The following SPAG9 variants were observed in gnomAD, a reference collection of about 807,000 sequenced individuals.
The protein encoded by SPAG9 is sperm associated antigen 9, also known as C-Jun-amino-terminal kinase-interacting protein 4.
SPAG9 carries 35 observed loss-of-function variants against 166.5 expected under a neutral mutation model. The observed-to-expected ratio is 0.21, with a 90% CI of 0.16 to 0.28. The LOEUF (loss-of-function observed/expected upper bound fraction) is 0.28, where lower values mean the gene tolerates loss of function less well. SPAG9 is among the 10% of genes least tolerant of loss of function. The pLI, the probability that SPAG9 is intolerant of heterozygous loss-of-function variation, is 1.00. For synonymous variants in SPAG9, 534 were observed against 565.5 expected, an observed-to-expected ratio of 0.94 and a Z score of 0.79; for missense variants, 1,235 against 1,603.3, an observed-to-expected ratio of 0.77 and a Z score of 3.92.
At chr17:51,104,864 C>T (rs1416750058) in intron 1 of SPAG9, among the ~76,000 whole-genome samples, 12 of 148,030 alleles carry the variant, frequency 8.1e-5, no homozygotes, top group Admixed American at 4.1e-4. Flanking sequence ...ACCTGGGAGG[C>T]GGAGCTTGCA....
intron 5 of SPAG9, chr17:51,031,933 A>C: frequency 3.0e-6 from 2 of 667,186 alleles, no homozygotes; most frequent in Non-Finnish European, 5.5e-6. Context: ...AGAAGCCACC[A>C]CTTGGATCAG....
chr17:51,069,397 A>G (rs1238360783), intron 2 of SPAG9, among the ~76,000 whole-genome samples: 1 of 152,118 alleles, frequency 6.6e-6, no homozygotes, highest in Non-Finnish European at 1.5e-5. Flanking sequence ...AAAGTTTTGT[A>G]CAAGCCTGAA....
chr17:50,963,558 C>T lies in SPAG9; in HGVS notation c.*2714G>A, dbSNP rs1168398499. On this transcript the variant is annotated 3_prime_UTR_variant, in exon 30 of 30. Transcript: ENST00000262013. ...GACATCTTTAGATAAAACAACTACA[C>T]ACCTATATTACTTAAGTTAAAGCCA... is the stretch of plus-strand genomic sequence containing the variant. The T allele has an allele frequency of 1.3e-5, 2 of 152,214 alleles. No homozygotes were observed. The highest frequency in any genetic ancestry group is 6.5e-5 in the Admixed American group (1 of 15,286). 9.4% of individuals were successfully genotyped at this position (152,214 alleles called of 1,614,324 possible). A position where few individuals can be genotyped will look rare whatever the true frequency, so the allele number is the denominator to read the frequency against.
chr17:51,109,456 C>T (rs1315716222), intron 1 of SPAG9, among the ~76,000 whole-genome samples: 4 of 151,978 alleles, frequency 2.6e-5, no homozygotes, highest in Admixed American at 6.6e-5. Context: ...AGGCTGGTCT[C>T]GAACTCTTGA....
chr17:51,003,491 C>T (rs1418675041), intron 12 of SPAG9, among the ~76,000 whole-genome samples: 1 of 152,130 alleles, frequency 6.6e-6, no homozygotes, highest in African/African-American at 2.4e-5. Flanking sequence ...AAACTTATTA[C>T]CTAGTTACCA....
chr17:50,982,785 A>C, intron 24 of SPAG9, 113 bp from the exon 25 acceptor site: 1 of 932,646 alleles, frequency 1.1e-6, no homozygotes, highest in Non-Finnish European at 1.6e-6. Flanking sequence ...CACTCAAAGT[A>C]CCATGTACTA....
chr17:51,050,409 G>C (rs1231482282), intron 3 of SPAG9, among the ~76,000 whole-genome samples: 1 of 152,176 alleles, frequency 6.6e-6, no homozygotes, highest in African/African-American at 2.4e-5. Context: ...TAAACTCCAA[G>C]TTGATTGTCT....
At chr17:51,058,013 A>G (rs2047406225) in intron 2 of SPAG9, among the ~76,000 whole-genome samples, 1 of 152,254 alleles carries the variant, frequency 6.6e-6, no homozygotes, top group Admixed American at 6.5e-5. Flanking sequence ...ATTTAAACTG[A>G]TTAAAAGCTT....
chr17:50,983,107 T>C (rs1974777661), intron 24 of SPAG9, among the ~76,000 whole-genome samples: 1 of 152,202 alleles, frequency 6.6e-6, no homozygotes, highest in South Asian at 2.1e-4. Context: ...CATACTATAT[T>C]TTCAGTGATA....
chr17:50,999,449 AT>A (rs1296968424), intron 14 of SPAG9: 2 of 1,489,830 alleles, frequency 1.3e-6, no homozygotes, highest in South Asian at 1.3e-5. Context: ...ACGATATCAT[AT>A]TTTTTGTCCT....
intron 2 of SPAG9, among the ~76,000 whole-genome samples, chr17:51,068,510 G>C (rs1322828565): frequency 6.6e-6 from 1 of 152,134 alleles, no homozygotes; most frequent in African/African-American, 2.4e-5. Context: ...CAACAAAGCT[G>C]ATGATTCTCC....
At chr17:51,077,033 T>TCTAGCTATCTAGCTAGCTATCTAGCTAG (rs2048013024) in intron 2 of SPAG9, among the ~76,000 whole-genome samples, 1 of 94,488 alleles carries the variant, frequency 1.1e-5, no homozygotes, top group Non-Finnish European at 2.4e-5. Context: ...TAGCTATCTA[T>TCTAGCTATCTAGCTAGCTATCTAGCTAG]CTAGCTATCT....
At chr17:51,065,763 TA>T (rs2047645398) in intron 2 of SPAG9, among the ~76,000 whole-genome samples, 1 of 152,184 alleles carries the variant, frequency 6.6e-6, no homozygotes, top group South Asian at 2.1e-4. Context: ...GAAGTAGTAG[TA>T]AAAGTGATGT....
intron 27 of SPAG9, chr17:50,976,578 T>C (rs945331629): frequency 1.3e-5 from 2 of 153,150 alleles, no homozygotes; most frequent in African/African-American, 4.8e-5. Flanking sequence ...ACTTAATGGA[T>C]GATTAATGTA....
Position 51,005,846 on chromosome 17 carries a change from C to T in SPAG9, c.1424+239G>A, listed in dbSNP as rs990491939. ...AGCCTGGGCAACAGGAGTGAGACTCCGTCTCAAAAAAACAGAAAACAAAAA... is the reference window on the plus strand; with the variant it reads ...AGCCTGGGCAACAGGAGTGAGACTCTGTCTCAAAAAAACAGAAAACAAAAA... On this transcript the variant is annotated intron_variant, in intron 11 of 29. Transcript: ENST00000262013. Among the ~76,000 whole-genome samples the T allele has an allele frequency of 7.2e-5, 11 of 152,148 alleles. No homozygotes were observed. In the South Asian group the frequency reaches 1.0e-3, roughly 14 times the overall value.
intron 12 of SPAG9, among the ~76,000 whole-genome samples, chr17:51,003,766 A>G (rs1453168869): frequency 1.3e-5 from 2 of 152,212 alleles, no homozygotes; most frequent in African/African-American, 4.8e-5. Flanking sequence ...TGTTATAGAA[A>G]CTGGGCCTCT....
intron 1 of SPAG9, among the ~76,000 whole-genome samples, chr17:51,108,078 A>G (rs1311241644): frequency 6.8e-6 from 1 of 148,096 alleles, no homozygotes; most frequent in Admixed American, 6.8e-5. Context: ...GAAATACATG[A>G]TTTAAGAAAA....
At chr17:51,118,956 C>A (rs1024508028) in intron 1 of SPAG9, among the ~76,000 whole-genome samples, 1 of 149,934 alleles carries the variant, frequency 6.7e-6, no homozygotes, top group African/African-American at 2.4e-5. Context: ...ATCGCTTGAA[C>A]CCGGCAGGCA....
intron 6 of SPAG9, 38 bp downstream of exon 6, chr17:51,031,643 T>C: frequency 6.8e-7 from 1 of 1,475,468 alleles, no homozygotes; most frequent in Non-Finnish European, 9.3e-7. Flanking sequence ...ATCACTTTAG[T>C]ATACTTTTTG....
Sources: gnomAD v4.1 joint callset for allele counts (sites outside exome capture counted in the v4.1 genomes callset) on GRCh38, gnomAD v4.1.1 for gene constraint, MANE v1.5 for transcripts, NCBI Gene and HGNC (gene_info 2026-07-23, HGNC 2026-07-21) for gene names.